TENM1: variants seen among roughly 807,000 people sequenced by gnomAD.
The protein encoded by TENM1 is teneurin transmembrane protein 1.
In TENM1, 35 loss-of-function variants were observed where a neutral mutation model predicts 174.8. The ratio of observed to expected loss-of-function variants is 0.20; its 90% CI spans 0.15 to 0.27. The LOEUF is 0.27. TENM1 is among the 10% of genes least tolerant of loss of function. TENM1 has a pLI of 1.00. For synonymous variants in TENM1, 781 were observed against 798.7 expected (o/e 0.98, Z 0.37); for missense variants, 1,633 against 2,130.1 (o/e 0.77, Z 4.59).
intron 11 of TENM1, among the ~76,000 whole-genome samples, chrX:124,633,100 C>T (rs188231896): frequency 1.8e-5 from 2 of 112,051 alleles, no homozygotes; most frequent in East Asian, 5.6e-4. Flanking sequence ...GATCTATTGT[C>T]ACTTCATATA....
chrX:124,643,140 A>T (rs2051061693), intron 10 of TENM1, among the ~76,000 whole-genome samples: 1 of 112,147 alleles, frequency 8.9e-6, no homozygotes, highest in Admixed American at 9.5e-5. Flanking sequence ...AGAGAGGGAA[A>T]GTCCAAAGTA....
chrX:124,610,865 G>A (rs1425030367), intron 11 of TENM1, among the ~76,000 whole-genome samples: 1 of 111,000 alleles, frequency 9.0e-6, no homozygotes, highest in Non-Finnish European at 1.9e-5. Context: ...GGAAGCATGC[G>A]ACTTCCTTAT....
intron 1 of TENM1, among the ~76,000 whole-genome samples, chrX:124,898,267 G>C (rs901860747): frequency 9.0e-6 from 1 of 111,194 alleles, no homozygotes; most frequent in African/African-American, 3.3e-5. Context: ...CCATGCTGTT[G>C]GTCCAGGGAT....
chrX:124,527,608 C>G (rs1161264137), intron 16 of TENM1, among the ~76,000 whole-genome samples: 1 of 109,195 alleles, frequency 9.2e-6, no homozygotes, highest in Admixed American at 9.9e-5. Flanking sequence ...CTAATCTCAG[C>G]CTTTCTATAC....
chrX:125,188,469 T>A, the TENM1 span, among the ~76,000 whole-genome samples: 3 of 112,337 alleles, frequency 2.7e-5, no homozygotes, highest in Non-Finnish European at 3.8e-5. Context: ...ATTTTATGAC[T>A]GGCACTTAAT....
chrX:124,447,289 T>C (rs1409151120), intron 23 of TENM1, among the ~76,000 whole-genome samples: 1 of 111,381 alleles, frequency 9.0e-6, no homozygotes, highest in Non-Finnish European at 1.9e-5. Flanking sequence ...TGGCTGAGCA[T>C]CTAGGAAGCT....
the TENM1 span, among the ~76,000 whole-genome samples, chrX:125,042,052 A>G: frequency 8.9e-6 from 1 of 112,070 alleles, no homozygotes; most frequent in Non-Finnish European, 1.9e-5. Context: ...TCAGTGAATA[A>G]TAAAACCTCT....
At chrX:125,004,603 T>C in the TENM1 span, among the ~76,000 whole-genome samples, 15 of 112,406 alleles carry the variant, frequency 1.3e-4, no homozygotes, top group African/African-American at 4.5e-4. Flanking sequence ...TAAAACTTTT[T>C]ACTTTGAATA....
At chrX:124,981,049 C>G in the TENM1 span, among the ~76,000 whole-genome samples, 5 of 111,753 alleles carry the variant, frequency 4.5e-5, no homozygotes, top group African/African-American at 1.6e-4. Context: ...ATTAATAGTA[C>G]CTTGTACTTT....
the TENM1 span, among the ~76,000 whole-genome samples, chrX:125,057,876 G>A: frequency 9.0e-6 from 1 of 111,730 alleles, no homozygotes; most frequent in Non-Finnish European, 1.9e-5. Flanking sequence ...GTGGAATACT[G>A]AAACCACTGA....
At chrX:124,977,834 T>C in the TENM1 span, among the ~76,000 whole-genome samples, 1 of 110,438 alleles carries the variant, frequency 9.1e-6, no homozygotes, top group Non-Finnish European at 1.9e-5. Context: ...TATTCCTTTT[T>C]ACATGTTGTG....
At chrX:124,793,043 T>G (rs1352510655) in intron 3 of TENM1, among the ~76,000 whole-genome samples, 1 of 112,063 alleles carries the variant, frequency 8.9e-6, no homozygotes, top group Non-Finnish European at 1.9e-5. Flanking sequence ...AAAATGACTC[T>G]GAACCTGGAA....
At chrX:125,178,982 A>T in the TENM1 span, among the ~76,000 whole-genome samples, 2 of 111,259 alleles carry the variant, frequency 1.8e-5, no homozygotes, top group Non-Finnish European at 3.8e-5. Flanking sequence ...TAAAAAAAAA[A>T]AATGACCTAT....
intron 3 of TENM1, among the ~76,000 whole-genome samples, chrX:124,838,842 T>C (rs1456437309): frequency 2.7e-5 from 3 of 111,227 alleles, no homozygotes; most frequent in African/African-American, 9.8e-5. Context: ...TATGCATATA[T>C]ACACACACAT....
At chrX:124,453,371 G>T in exon 23 of TENM1, 1 of 1,210,176 alleles carries the variant, frequency 8.3e-7, no homozygotes. Flanking sequence ...ACAGCTCAGT[G>T]GTTGTGTGGA....
intron 1 of TENM1, among the ~76,000 whole-genome samples, chrX:124,929,057 G>GT (rs1298588513): frequency 1.8e-5 from 2 of 111,667 alleles, no homozygotes; most frequent in Admixed American, 1.9e-4. Flanking sequence ...TGTTTTGTTT[G>GT]TTTTTTGCCT....
chrX:124,515,509 A>C (rs1375672304), intron 18 of TENM1, among the ~76,000 whole-genome samples: 4 of 111,815 alleles, frequency 3.6e-5, no homozygotes, highest in Non-Finnish European at 5.6e-5. Flanking sequence ...CAGGATACAA[A>C]ATCAATGTAC....
At chrX:124,594,520 C>A (rs1331621239) in intron 11 of TENM1, among the ~76,000 whole-genome samples, 1 of 111,279 alleles carries the variant, frequency 9.0e-6, no homozygotes, top group African/African-American at 3.3e-5. Context: ...GTCCCTCTTC[C>A]AGATTGTGGA....
chrX:125,025,109 C>G, the TENM1 span, among the ~76,000 whole-genome samples: 1 of 111,692 alleles, frequency 9.0e-6, no homozygotes, highest in Non-Finnish European at 1.9e-5. Context: ...GGAATAATCA[C>G]CTCTGAAGGG....
Sources: allele counts gnomAD v4.1 joint callset (sites outside exome capture counted in the v4.1 genomes callset), GRCh38; gene constraint gnomAD v4.1.1; transcripts MANE v1.5; gene names NCBI Gene and HGNC (gene_info 2026-07-23, HGNC 2026-07-21).